The following TRAPPC11 variants were observed in gnomAD, a reference collection of about 807,000 sequenced individuals.
TRAPPC11 encodes trafficking protein particle complex subunit 11.
A neutral mutation model predicts 151.2 loss-of-function variants in TRAPPC11; 104 were observed. That is an observed-to-expected ratio of 0.69 (90% CI 0.59 to 0.81). TRAPPC11 has a LOEUF of 0.81. Among genes scored for constraint, TRAPPC11 ranks in the 30% least tolerant of loss-of-function variants. The pLI, the probability that TRAPPC11 is intolerant of heterozygous loss-of-function variation, is 0.00. For missense variants in TRAPPC11, 1,230 were observed against 1,349.6 expected, an observed-to-expected ratio of 0.91 and a Z score of 1.39; for synonymous variants, 456 against 472.3, an observed-to-expected ratio of 0.97 and a Z score of 0.45.
At chr4:183,700,899 G>C (rs1387689310) in intron 25 of TRAPPC11, 5 of 152,096 alleles carry the variant, frequency 3.3e-5, no homozygotes, top group Non-Finnish European at 7.3e-5. Flanking sequence ...CCAGGCTGGA[G>C]TGCAGTGGCA....
intron 28 of TRAPPC11, among the ~76,000 whole-genome samples, chr4:183,707,147 T>G (rs1047522323): frequency 3.3e-5 from 5 of 152,140 alleles, no homozygotes; most frequent in South Asian, 4.1e-4. Flanking sequence ...ACACGTGGGT[T>G]CTTCTTATAA....
Position 183,697,583 on chromosome 4 carries a change from G to A in TRAPPC11, c.2694+15G>A. 6.2e-7 allele frequency: 1 copy of A among 1,603,472 alleles called. No homozygotes were observed. The highest frequency in any genetic ancestry group is 8.5e-7 in the Non-Finnish European group (1 of 1,177,306). ...TTTCTACCAAGGTATGTTTCTTTGA[G>A]GCATACTAGAAATCATTTAGGTTAT... On this transcript the variant is annotated intron_variant, in intron 24 of 29. Coordinates refer to ENST00000334690, the MANE Select transcript of TRAPPC11 (RefSeq NM_021942.6).
Position 183,693,643 on chromosome 4 carries a change from A to G in TRAPPC11, c.2292A>G (p.Ala764=), listed in dbSNP as rs928392709. The G allele has an allele frequency of 7.4e-6, 12 of 1,614,014 alleles. No individual in the cohort carries two copies. Among genetic ancestry groups the G allele is most frequent in the Admixed American group, 1.7e-5 (1 of 60,002 alleles). The change falls in exon 21 of 30, where the codon GCA becomes GCG. Residue 764 remains alanine (A), a synonymous_variant. Transcript: ENST00000334690. The stretch of plus-strand genomic sequence containing the variant: ...TACATCTGCTACATGAACCCCCTGC[A>G]CTGACTAATGAAATGTATTGTTTGG... ...ISVHLLHEPP[A]LTNEMYCLVV...
chr4:183,686,439 A>G (rs1046430847), intron 17 of TRAPPC11, among the ~76,000 whole-genome samples, 179 bp from the exon 18 acceptor site: 1 of 152,144 alleles, frequency 6.6e-6, no homozygotes, highest in Non-Finnish European at 1.5e-5. Flanking sequence ...GCTCAGCCTA[A>G]ATTTTATTTT....
chr4:183,700,984 A>G (rs769681465), intron 25 of TRAPPC11: 3 of 152,226 alleles, frequency 2.0e-5, no homozygotes, highest in Non-Finnish European at 4.4e-5. Flanking sequence ...AGTAGCTAGG[A>G]CCACAGGTGC....
chr4:183,709,572 G>A (rs1245093649), intron 29 of TRAPPC11, among the ~76,000 whole-genome samples: 1 of 152,090 alleles, frequency 6.6e-6, no homozygotes, highest in Non-Finnish European at 1.5e-5. Context: ...TCAGGAGATC[G>A]AGACCATCCT....
At chr4:183,692,434 G>A (rs909876760) in intron 19 of TRAPPC11, among the ~76,000 whole-genome samples, 3 of 149,176 alleles carry the variant, frequency 2.0e-5, no homozygotes, top group Non-Finnish European at 4.4e-5. Context: ...TTTTTTCATG[G>A]TACCTAAGGG....
chr4:183,696,891 G>T lies in TRAPPC11; in HGVS notation c.2629-612G>T, dbSNP rs569135127. ...TACATTATTATTATCTTTCTTATTA[G>T]TCATTTTGAGTTGAGGTGTAGTAGG... On this transcript the variant is annotated intron_variant, in intron 23 of 29. Coordinates refer to ENST00000334690, the MANE Select transcript of TRAPPC11 (RefSeq NM_021942.6). Among the ~76,000 whole-genome samples the T allele has an allele frequency of 5.1e-4, 78 of 152,212 alleles. 1 individual carries two copies. Among genetic ancestry groups the T allele is most frequent in the Admixed American group, 4.2e-3 (64 of 15,282 alleles).
At chr4:183,686,928 C>G (rs957883513) in intron 18 of TRAPPC11, among the ~76,000 whole-genome samples, 180 bp downstream of exon 18, 1 of 152,174 alleles carries the variant, frequency 6.6e-6, no homozygotes, top group African/African-American at 2.4e-5. Context: ...CGCCTGTAAT[C>G]TCAGCACTTT....
chr4:183,667,216 C>T, intron 4 of TRAPPC11, 86 bp downstream of exon 4: 1 of 1,038,934 alleles, frequency 9.6e-7, no homozygotes, highest in Non-Finnish European at 1.5e-6. Context: ...ATGTTTAAAT[C>T]TTTTATGCAT....
At chr4:183,660,960 C>T (rs921640757) in intron 1 of TRAPPC11, among the ~76,000 whole-genome samples, 12 of 152,144 alleles carry the variant, frequency 7.9e-5, no homozygotes, top group African/African-American at 2.9e-4. Flanking sequence ...GAATCGCCCG[C>T]CTTGGCCTCC....
rs1736607880 is a variant in TRAPPC11 at position 183,697,711 on chromosome 4, C to T, written c.2727C>T (p.Ile909=). ...ACCTGGAAAGGGTTTATGCTGACAT[C>T]CCCTTTCTGTTGATGACGGACCTCT... ...FEHLERVYAD[I]PFLLMTDLLS... is the part of the protein sequence containing the mutation. Residue 909 remains isoleucine, a synonymous_variant, in exon 25 of 30, where the codon ATC becomes ATT. Coordinates refer to ENST00000334690, the MANE Select transcript of TRAPPC11 (RefSeq NM_021942.6). The T allele has an allele frequency of 6.2e-7, 1 of 1,614,118 alleles. No individual in the cohort carries two copies. The highest frequency in any genetic ancestry group is 8.5e-7 in the Non-Finnish European group (1 of 1,180,022).
chr4:183,666,574 T>C (rs1734895946), intron 3 of TRAPPC11, 148 bp downstream of exon 3: 3 of 716,540 alleles, frequency 4.2e-6, no homozygotes, highest in South Asian at 4.6e-5. Flanking sequence ...TCCTCACAGG[T>C]AGCATAATTA....
At position 183,661,403 on chromosome 4, in the gene TRAPPC11, GCT is replaced by G. The variant is rs1491421074; in HGVS notation, c.-22+1959_-22+1960del. On this transcript the variant is annotated intron_variant, in intron 1 of 29. Coordinates refer to ENST00000334690, the MANE Select transcript of TRAPPC11 (RefSeq NM_021942.6). The stretch of plus-strand genomic sequence containing the variant: ...TTTTTTTTTGAGACGGAGTCTCCTC[GCT>G]CTGTCGCCCAGGCTGGAGTGCAGTG... Among the ~76,000 whole-genome samples the G allele has an allele frequency of 8.0e-5, 9 of 113,192 alleles. 2 individuals carry two copies. In the Admixed American group the frequency reaches 8.5e-4, roughly 11 times the overall value. The allele number at this position is 113,192 out of a possible 152,430, so 74.3% of individuals were successfully genotyped here.
At chr4:183,674,433 A>AG (rs1394321233) in intron 5 of TRAPPC11, among the ~76,000 whole-genome samples, 3 of 151,518 alleles carry the variant, frequency 2.0e-5, no homozygotes, top group African/African-American at 7.3e-5. Flanking sequence ...AAAAAAAAAA[A>AG]AAAAAAAAAA....
At chr4:183,665,193 CGTG>C (rs1734794457) in intron 2 of TRAPPC11, among the ~76,000 whole-genome samples, 1 of 140,110 alleles carries the variant, frequency 7.1e-6, no homozygotes, top group South Asian at 2.2e-4. Flanking sequence ...CTCCTGGGTT[CGTG>C]CCATTCTCCT....
chr4:183,673,228 G>A (rs111596995), intron 5 of TRAPPC11, among the ~76,000 whole-genome samples: 1,552 of 152,216 alleles, frequency 0.01, 18 homozygotes, highest in African/African-American at 0.036. Context: ...AAAGTGCTGG[G>A]ATTACAAGCG....
intron 29 of TRAPPC11, 91 bp from the exon 30 acceptor site, chr4:183,712,509 G>C: frequency 7.9e-7 from 1 of 1,262,590 alleles, no homozygotes; most frequent in Non-Finnish European, 1.2e-6. Flanking sequence ...TTGTAAAACA[G>C]TTTCAAGAAT....
chr4:183,693,461 C>A (rs757253599), intron 20 of TRAPPC11, 128 bp from the exon 21 acceptor site: 4 of 1,019,898 alleles, frequency 3.9e-6, no homozygotes, highest in Non-Finnish European at 5.6e-6. Context: ...CTGCCTCAGT[C>A]TCCCAAAATG....
Sources: gnomAD v4.1 joint callset for allele counts (sites outside exome capture counted in the v4.1 genomes callset) on GRCh38, gnomAD v4.1.1 for gene constraint, MANE v1.5 for transcripts, NCBI Gene and HGNC (gene_info 2026-07-23, HGNC 2026-07-21) for gene names.